The following FRMPD4 variants were observed in gnomAD, a reference collection of about 807,000 sequenced individuals.
FRMPD4 encodes the protein FERM and PDZ domain-containing protein 4.
FRMPD4 carries 22 observed loss-of-function variants against 94.1 expected under a neutral mutation model. The ratio of observed to expected loss-of-function variants is 0.23; its 90% CI spans 0.17 to 0.33. The LOEUF (loss-of-function observed/expected upper bound fraction) is 0.33. Among genes scored for constraint, FRMPD4 ranks in the 10% least tolerant of loss-of-function variants. FRMPD4 has a pLI of 1.00. For synonymous variants in FRMPD4, 631 were observed against 548.6 expected (o/e 1.15, Z -2.10); for missense variants, 1,111 against 1,339.9 (o/e 0.83, Z 2.67).
At chrX:12,169,929 A>T (rs1214895727) in intron 1 of FRMPD4, among the ~76,000 whole-genome samples, 1 of 112,222 alleles carries the variant, frequency 8.9e-6, no homozygotes, top group African/African-American at 3.2e-5. Context: ...TTATAAAAAC[A>T]GGCAGTGGGC....
At chrX:12,608,089 A>T (rs1230947645) in intron 2 of FRMPD4, among the ~76,000 whole-genome samples, 1 of 112,750 alleles carries the variant, frequency 8.9e-6, no homozygotes, top group Non-Finnish European at 1.9e-5. Context: ...AATTTGAATT[A>T]AACCCGTGTC....
chrX:12,020,481 G>T (rs749231095), intron 3 of FRMPD4, among the ~76,000 whole-genome samples: 1 of 111,608 alleles, frequency 9.0e-6, no homozygotes, highest in East Asian at 2.8e-4. Flanking sequence ...GACTGCCCCA[G>T]GGTTGTCTTT....
intron 1 of FRMPD4, among the ~76,000 whole-genome samples, chrX:12,420,511 C>T (rs890304143): frequency 8.0e-5 from 9 of 111,985 alleles, no homozygotes; most frequent in Non-Finnish European, 1.5e-4. Flanking sequence ...TGCCCTCCCT[C>T]GGCATTCTGT....
chrX:11,921,605 C>G (rs1201927168), intron 3 of FRMPD4, among the ~76,000 whole-genome samples: 1 of 111,945 alleles, frequency 8.9e-6, no homozygotes, highest in South Asian at 3.7e-4. Flanking sequence ...AGCTTAAAAG[C>G]TTTGCATAGC....
rs143050801 is a variant in FRMPD4 at position 11,976,729 on chromosome X, G to A, written c.95+98711G>A. On this transcript the variant is annotated intron_variant, in intron 3 of 18. Transcript: ENST00000640291. ...TGCCATTCAAGTTGTCTCTTTATGA[G>A]AATTAACATCAAACAAATTACCAAT... is the stretch of plus-strand genomic sequence containing the variant. 3.4e-3 allele frequency among the ~76,000 whole-genome samples: 377 copies of A among 111,728 alleles called. 2 individuals are homozygous for A. The highest frequency in any genetic ancestry group is 9.2e-3 in the Middle Eastern group (2 of 218).
At chrX:12,624,881 A>G (rs781716270) in intron 4 of FRMPD4, among the ~76,000 whole-genome samples, 1 of 110,421 alleles carries the variant, frequency 9.1e-6, no homozygotes, top group South Asian at 3.7e-4. Flanking sequence ...TTTGCAAACT[A>G]TTCATCTGAC....
chrX:12,423,968 C>CA (rs201222394), intron 1 of FRMPD4, among the ~76,000 whole-genome samples: 311 of 110,772 alleles, frequency 2.8e-3, no homozygotes, highest in Middle Eastern at 9.3e-3. Flanking sequence ...AAAAAAGGAA[C>CA]AAAAAAAACA....
In FRMPD4 at chrX:12,718,499, G is replaced by T. The variant is rs1410913725; in HGVS notation, c.3673G>T (p.Gly1225Cys). 1 of 1,201,383 alleles carries T rather than the reference G, an allele frequency of 8.3e-7. No individual in the cohort carries two copies. The highest frequency in any genetic ancestry group is 3.0e-5 in the East Asian group (1 of 33,740). Residue 1225 changes from glycine to cysteine, a missense_variant, in exon 16 of 17, where the codon GGC (glycine) becomes TGC (cysteine). Gly to Cys is a radical substitution (Grantham distance 159). Coordinates refer to ENST00000675598, the MANE Select transcript of FRMPD4 (RefSeq NM_001368397.1). ...GSSVDAGCGT[G>C]SSGSACATPV... The stretch of plus-strand genomic sequence containing the variant: ...TTCAGTGGATGCAGGCTGTGGCACA[G>T]GCAGCAGTGGCAGTGCCTGTGCCAC...
chrX:12,164,026 A>C (rs141058294), intron 1 of FRMPD4, among the ~76,000 whole-genome samples: 2,475 of 107,888 alleles, frequency 0.023, 72 homozygotes, highest in African/African-American at 0.079. Context: ...TTTATTTTTT[A>C]TTTTTTTGCC....
Position 12,220,766 on chromosome X carries a change from G to C in FRMPD4, c.41+81754G>C, listed in dbSNP as rs754592735. Among the ~76,000 whole-genome samples the C allele has an allele frequency of 1.3e-4, 15 of 112,173 alleles. No homozygotes were observed. The South Asian group carries it at 5.5e-3, about 41-fold the overall frequency. ...ATGATACTTTCTGTGCTTTTCTATG[G>C]TGTGGCAGATTAAATAAAAATTTGC... On this transcript the variant is annotated intron_variant, in intron 1 of 16. Coordinates refer to ENST00000675598, the MANE Select transcript of FRMPD4 (RefSeq NM_001368397.1).
chrX:12,583,278 T>C, intron 2 of FRMPD4: 1 of 384,045 alleles, frequency 2.6e-6, no homozygotes, highest in South Asian at 4.0e-5. Flanking sequence ...AAATCATGAA[T>C]ACATTTATCA....
At chrX:12,157,208 C>G (rs1286634107) in intron 1 of FRMPD4, among the ~76,000 whole-genome samples, 2 of 111,971 alleles carry the variant, frequency 1.8e-5, no homozygotes, top group African/African-American at 3.2e-5. Flanking sequence ...TTTTTATATT[C>G]TGCTTATTAT....
At chrX:12,267,162 A>G (rs892224846) in intron 1 of FRMPD4, among the ~76,000 whole-genome samples, 5 of 112,127 alleles carry the variant, frequency 4.5e-5, no homozygotes, top group African/African-American at 1.6e-4. Flanking sequence ...GGAAAATCGT[A>G]AGTCAAACCA....
At chrX:12,689,532 G>A (rs1052776082) in intron 7 of FRMPD4, among the ~76,000 whole-genome samples, 1 of 112,426 alleles carries the variant, frequency 8.9e-6, no homozygotes, top group African/African-American at 3.2e-5. Context: ...CTAATAAGTA[G>A]TAGAGCTGGG....
chrX:12,367,205 G>T (rs1327922266), intron 1 of FRMPD4, among the ~76,000 whole-genome samples: 2 of 111,526 alleles, frequency 1.8e-5, no homozygotes, highest in Non-Finnish European at 1.9e-5. Context: ...AAACATGAAG[G>T]CTCGGTTTTC....
chrX:12,297,811 C>T (rs5933981), intron 1 of FRMPD4, among the ~76,000 whole-genome samples: 10,193 of 110,856 alleles, frequency 0.092, 389 homozygotes, highest in Admixed American at 0.17. Flanking sequence ...ATTAGCCCCC[C>T]CTGGAGTCTA....
intron 1 of FRMPD4, among the ~76,000 whole-genome samples, chrX:12,150,506 G>A (rs1386544443): frequency 9.0e-6 from 1 of 111,275 alleles, no homozygotes; most frequent in African/African-American, 3.3e-5. Flanking sequence ...TATACATTTT[G>A]TCTTTAGTGC....
At chrX:12,243,127 C>T (rs1402122057) in intron 1 of FRMPD4, among the ~76,000 whole-genome samples, 1 of 112,299 alleles carries the variant, frequency 8.9e-6, no homozygotes, top group Non-Finnish European at 1.9e-5. Flanking sequence ...AGTGATCCTC[C>T]AGCCTTGGTC....
intron 8 of FRMPD4, among the ~76,000 whole-genome samples, 173 bp downstream of exon 8, chrX:12,690,499 C>T (rs1001683410): frequency 8.9e-6 from 1 of 111,957 alleles, no homozygotes; most frequent in Non-Finnish European, 1.9e-5. Flanking sequence ...GGTCATGTTT[C>T]CCTTTCTGCC....
Sources: allele counts gnomAD v4.1 joint callset (sites outside exome capture counted in the v4.1 genomes callset), GRCh38; gene constraint gnomAD v4.1.1; transcripts MANE v1.5; gene names NCBI Gene and HGNC (gene_info 2026-07-23, HGNC 2026-07-21).